NWD1: variants seen among roughly 807,000 people sequenced by gnomAD.
The protein encoded by NWD1 is NACHT domain- and WD repeat-containing protein 1.
Under a neutral mutation model 135.1 loss-of-function variants are expected in NWD1, and 129 were observed. The observed-to-expected ratio is 0.96, with a 90% CI of 0.83 to 1.11. The LOEUF (loss-of-function observed/expected upper bound fraction) is 1.11, where lower values mean the gene tolerates loss of function less well. Among genes scored for constraint, NWD1 ranks in the 50% least tolerant of loss-of-function variants. The pLI is 0.00. For missense variants in NWD1, 1,740 were observed against 1,851.3 expected, an observed-to-expected ratio of 0.94 and a Z score of 1.10; for synonymous variants, 773 against 786.0, an observed-to-expected ratio of 0.98 and a Z score of 0.28.
chr19:16,797,574 C>A (rs1970457836), intron 15 of NWD1, among the ~76,000 whole-genome samples, 158 bp from the exon 16 acceptor site: 1 of 152,128 alleles, frequency 6.6e-6, no homozygotes, highest in African/African-American at 2.4e-5. Flanking sequence ...TCTCGAACTC[C>A]TGACCTCGAG....
In NWD1 at chr19:16,807,583, C is replaced by T; in HGVS notation, c.3737-3C>T. On this transcript the variant is annotated splice_region_variant and splice_polypyrimidine_tract_variant and intron_variant, in intron 17 of 18. Coordinates refer to ENST00000524140, the MANE Select transcript of NWD1 (RefSeq NM_001007525.5). ...AGTCATTCTCATTTTTCTTCCCTGGCAGGCGAGGAACAAGATTCCCTGGAC... is the reference window on the plus strand; with the variant it reads ...AGTCATTCTCATTTTTCTTCCCTGGTAGGCGAGGAACAAGATTCCCTGGAC... The T allele has an allele frequency of 6.6e-7, 1 of 1,517,720 alleles. No individual in the cohort carries two copies. Among genetic ancestry groups the T allele is most frequent in the Non-Finnish European group, 8.8e-7 (1 of 1,132,718 alleles). 94.0% of individuals were successfully genotyped at this position (1,517,720 alleles called of 1,614,324 possible). A position where few individuals can be genotyped will look rare whatever the true frequency, so the allele number is the denominator to read the frequency against.
intron 2 of NWD1, among the ~76,000 whole-genome samples, chr19:16,728,437 A>G (rs1423876323): frequency 1.3e-5 from 2 of 151,838 alleles, no homozygotes; most frequent in African/African-American, 4.8e-5. Flanking sequence ...GCCACCTGCC[A>G]CCATGTCTGA....
At chr19:16,754,391 A>G (rs1453248859) in intron 6 of NWD1, among the ~76,000 whole-genome samples, 4 of 143,318 alleles carry the variant, frequency 2.8e-5, no homozygotes, top group African/African-American at 5.3e-5. Context: ...CATCATCTCT[A>G]TCTTCCATCC....
At chr19:16,809,703 C>A (rs181991500) in intron 18 of NWD1, among the ~76,000 whole-genome samples, 1 of 151,666 alleles carries the variant, frequency 6.6e-6, no homozygotes, top group African/African-American at 2.4e-5. Flanking sequence ...TACAGGTGCC[C>A]GCCACCACGC....
At position 16,815,413 on chromosome 19, in the gene NWD1, C is replaced by A. The variant is rs199586141; in HGVS notation, c.*374C>A. On this transcript the variant is annotated 3_prime_UTR_variant, in exon 19 of 19. Transcript: ENST00000524140. The stretch of plus-strand genomic sequence containing the variant: ...TAATCTAGTTAAAGCAAAAAGAATA[C>A]GTTTGCTGGTGTATATCTGGACCCA... The A allele has an allele frequency of 6.4e-6, 4 of 623,142 alleles. No homozygotes were observed. The highest frequency in any genetic ancestry group is 5.5e-5 in the African/African-American group (3 of 54,116). The allele number at this position is 623,142 out of a possible 1,614,324, so 38.6% of individuals were successfully genotyped here. A position where few individuals can be genotyped will look rare whatever the true frequency, so the allele number is the denominator to read the frequency against.
chr19:16,725,612 G>A (rs1426267059), intron 2 of NWD1, among the ~76,000 whole-genome samples: 4 of 152,002 alleles, frequency 2.6e-5, no homozygotes, highest in African/African-American at 7.2e-5. Flanking sequence ...GAATGCAGTG[G>A]CATGATTTTG....
chr19:16,809,817 A>G (rs1443870066), intron 18 of NWD1, among the ~76,000 whole-genome samples: 1 of 152,056 alleles, frequency 6.6e-6, no homozygotes, highest in Non-Finnish European at 1.5e-5. Flanking sequence ...TTGGCCTCAC[A>G]AAGTGCTGGG....
At chr19:16,797,402 C>G (rs916945927) in intron 15 of NWD1, among the ~76,000 whole-genome samples, 1 of 148,936 alleles carries the variant, frequency 6.7e-6, no homozygotes, top group African/African-American at 2.5e-5. Context: ...GCAATCTCAG[C>G]TTACTGCAGC....
chr19:16,769,751 C>G (rs1660702623), intron 10 of NWD1, among the ~76,000 whole-genome samples: 1 of 152,224 alleles, frequency 6.6e-6, no homozygotes, highest in African/African-American at 2.4e-5. Flanking sequence ...CTGGCCACCA[C>G]TGAAGCTTAA....
chr19:16,807,288 G>T (rs1970777542), intron 17 of NWD1, among the ~76,000 whole-genome samples: 1 of 151,980 alleles, frequency 6.6e-6, no homozygotes, highest in Non-Finnish European at 1.5e-5. Context: ...GAGGTTGGGA[G>T]TTAGAGACCA....
At chr19:16,797,683 C>T in intron 15 of NWD1, 49 bp from the exon 16 acceptor site, 1 of 1,557,592 alleles carries the variant, frequency 6.4e-7, no homozygotes, top group Non-Finnish European at 8.8e-7. Flanking sequence ...GAATGACCCT[C>T]AATCTCCTCT....
chr19:16,795,142 G>A (rs781263109), intron 15 of NWD1, among the ~76,000 whole-genome samples: 14 of 152,226 alleles, frequency 9.2e-5, no homozygotes, highest in African/African-American at 1.2e-4. Flanking sequence ...GGGAGCAGGG[G>A]GCACCCCATT....
chr19:16,807,738 G>A lies in NWD1; in HGVS notation c.3889G>A (p.Glu1297Lys), dbSNP rs144013868. 1,231 of 1,613,010 alleles carry A rather than the reference G, an allele frequency of 7.6e-4. 9 individuals carry two copies. In the African/African-American group the frequency reaches 0.011, roughly 14 times the overall value. ...RQDVICIPPP[E>K]ARKAINCMSL... ...GGACGTGATATGCATTCCCCCTCCCGAGGCCCGGAAAGCAATCAACTGCAT... is the reference window on the plus strand; with the variant it reads ...GGACGTGATATGCATTCCCCCTCCCAAGGCCCGGAAAGCAATCAACTGCAT... Residue 1297 changes from glutamate to lysine, a missense_variant, in exon 18 of 19, where the codon GAG becomes AAG. By Grantham distance (56) the Glu-to-Lys change is moderately conservative. Transcript: ENST00000524140.
Position 16,762,150 on chromosome 19 carries a change from G to A in NWD1, c.2133+12G>A. ...ACTTGGACCGAAAGGTGAGGTACCT[G>A]GGACCCCCATTCCCCACCTGCAACC... is the stretch of plus-strand genomic sequence containing the variant. On this transcript the variant is annotated intron_variant, in intron 8 of 18. Coordinates refer to ENST00000524140, the MANE Select transcript of NWD1 (RefSeq NM_001007525.5). The A allele has an allele frequency of 6.2e-7, 1 of 1,608,930 alleles. No homozygotes were observed. The highest frequency in any genetic ancestry group is 8.5e-7 in the Non-Finnish European group (1 of 1,176,056).
intron 17 of NWD1, among the ~76,000 whole-genome samples, chr19:16,804,883 G>GCTGGAGTGAA (rs1970706066): frequency 6.6e-6 from 1 of 151,758 alleles, no homozygotes; most frequent in Non-Finnish European, 1.5e-5. Flanking sequence ...GGAGTGAAGA[G>GCTGGAGTGAA]GTACAATGAC....
At chr19:16,811,539 G>A (rs931821681) in intron 18 of NWD1, among the ~76,000 whole-genome samples, 12 of 144,840 alleles carry the variant, frequency 8.3e-5, no homozygotes, top group African/African-American at 2.3e-4. Flanking sequence ...AGCCAAGATC[G>A]TGATATTGCA....
At chr19:16,806,137 T>G (rs927554104) in intron 17 of NWD1, among the ~76,000 whole-genome samples, 2 of 152,132 alleles carry the variant, frequency 1.3e-5, no homozygotes, top group Admixed American at 1.3e-4. Flanking sequence ...CCTCCCAAAG[T>G]GCTTGGATTA....
Position 16,758,569 on chromosome 19 carries a change from G to A in NWD1, c.1770-656G>A, listed in dbSNP as rs997049137. Among the ~76,000 whole-genome samples the A allele has an allele frequency of 3.9e-5, 6 of 152,232 alleles. No homozygotes were observed. The South Asian group carries it at 6.2e-4, about 16-fold the overall frequency. On this transcript the variant is annotated intron_variant, in intron 6 of 18. Coordinates refer to ENST00000524140, the MANE Select transcript of NWD1 (RefSeq NM_001007525.5). The stretch of plus-strand genomic sequence containing the variant: ...AGGGATTACAGGTGTGAGCCACCAC[G>A]CCCAGCCCAATTATCCTAATTTAAA...
At position 16,749,354 on chromosome 19, in the gene NWD1, G is replaced by A; in HGVS notation, c.712G>A (p.Val238Ile). The change falls in exon 6 of 19, where the codon GTC (valine) becomes ATC (isoleucine). Residue 238 changes from valine to isoleucine, a missense_variant. By Grantham distance (29) the Val-to-Ile change is conservative (BLOSUM62 3). Transcript: ENST00000524140. Reference protein sequence around the residue: ...KSHITDMHPGVLKTHRLPWSR... With the variant: ...KSHITDMHPGILKTHRLPWSR... Reference sequence around the variant, plus strand: ...TCACATCACTGACATGCACCCAGGGGTCCTCAAGACCCACCGCCTGCCGTG... The same window carrying A: ...TCACATCACTGACATGCACCCAGGGATCCTCAAGACCCACCGCCTGCCGTG... 6.2e-7 allele frequency: 1 copy of A among 1,613,808 alleles called. No homozygotes were observed. The highest frequency in any genetic ancestry group is 1.1e-5 in the South Asian group (1 of 91,052).
Sources: allele counts gnomAD v4.1 joint callset (sites outside exome capture counted in the v4.1 genomes callset), GRCh38; gene constraint gnomAD v4.1.1; transcripts MANE v1.5; gene names NCBI Gene and HGNC (gene_info 2026-07-23, HGNC 2026-07-21).